TNNI3K: variants seen among roughly 807,000 people sequenced by gnomAD.
TNNI3K encodes the protein serine/threonine-protein kinase TNNI3K.
In TNNI3K, 140 loss-of-function variants were observed where a neutral mutation model predicts 114.5. That is an observed-to-expected ratio of 1.22 (90% CI 1.07 to 1.41). The LOEUF is 1.41. Among genes scored for constraint, TNNI3K ranks in the 40% most tolerant of loss-of-function variants. TNNI3K has a pLI of 0.00. For synonymous variants in TNNI3K, 347 were observed against 347.5 expected (o/e 1.00, Z 0.02); for missense variants, 1,125 against 1,007.6 (o/e 1.12, Z -1.58).
chr1:74,263,103 T>C (rs1360728735), intron 4 of TNNI3K, among the ~76,000 whole-genome samples: 1 of 152,092 alleles, frequency 6.6e-6, no homozygotes, highest in Non-Finnish European at 1.5e-5. Context: ...TGGCAAAGAC[T>C]GTGGTAACTT....
At chr1:74,526,798 A>G (rs1570743472) in intron 23 of TNNI3K, among the ~76,000 whole-genome samples, 1 of 152,200 alleles carries the variant, frequency 6.6e-6, no homozygotes, top group Non-Finnish European at 1.5e-5. Flanking sequence ...AGCAACACGT[A>G]TAGGACTTAT....
At chr1:74,429,586 A>G (rs1235632165) in intron 17 of TNNI3K, among the ~76,000 whole-genome samples, 1 of 152,110 alleles carries the variant, frequency 6.6e-6, no homozygotes, top group Non-Finnish European at 1.5e-5. Flanking sequence ...TCACCAAGGT[A>G]AGACTCCCCA....
intron 23 of TNNI3K, among the ~76,000 whole-genome samples, chr1:74,523,931 C>T (rs376942705): frequency 1.3e-5 from 2 of 152,134 alleles, no homozygotes; most frequent in African/African-American, 2.4e-5. Flanking sequence ...CCTTTCCCCC[C>T]ACCCCCGACA....
chr1:74,529,184 A>G (rs910044262), intron 23 of TNNI3K, among the ~76,000 whole-genome samples: 12 of 152,204 alleles, frequency 7.9e-5, no homozygotes, highest in African/African-American at 2.4e-4. Context: ...TTACAAAGAG[A>G]AAAAGAGTAA....
chr1:74,279,591 A>C (rs72673216), intron 5 of TNNI3K, among the ~76,000 whole-genome samples: 1 of 22,756 alleles, frequency 4.4e-5, no homozygotes, highest in South Asian at 2.4e-3. Context: ...ATAAATAGAA[A>C]CAATGAATGA....
At chr1:74,281,467 A>G (rs909285002) in intron 5 of TNNI3K, among the ~76,000 whole-genome samples, 3 of 151,980 alleles carry the variant, frequency 2.0e-5, no homozygotes, top group Non-Finnish European at 2.9e-5. Context: ...TTACTGTTAT[A>G]TAGTTGTAAA....
chr1:74,427,588 T>A (rs1012534816), intron 17 of TNNI3K, among the ~76,000 whole-genome samples: 7 of 152,066 alleles, frequency 4.6e-5, no homozygotes, highest in African/African-American at 1.7e-4. Flanking sequence ...TGTTCCAATA[T>A]CCTTCCTCCC....
intron 17 of TNNI3K, among the ~76,000 whole-genome samples, chr1:74,399,941 C>A (rs2100588340): frequency 6.6e-6 from 1 of 152,260 alleles, no homozygotes; most frequent in African/African-American, 2.4e-5. Flanking sequence ...ATGTCACAAG[C>A]AAACAAATAT....
intron 17 of TNNI3K, among the ~76,000 whole-genome samples, chr1:74,408,181 C>T (rs541016599): frequency 8.5e-5 from 13 of 152,216 alleles, no homozygotes; most frequent in African/African-American, 2.6e-4. Context: ...CTTGTTTCCA[C>T]GACAAAATAC....
chr1:74,539,120 A>G (rs1164706065), intron 23 of TNNI3K, among the ~76,000 whole-genome samples: 1 of 152,208 alleles, frequency 6.6e-6, no homozygotes, highest in Non-Finnish European at 1.5e-5. Context: ...AAAGAGGAAA[A>G]GATTCGTCTA....
chr1:74,353,270 T>G lies in TNNI3K; in HGVS notation c.937T>G (p.Cys313Gly). 1.2e-6 allele frequency: 2 copies of G among 1,613,248 alleles called. No individual in the cohort carries two copies. The highest frequency in any genetic ancestry group is 1.7e-6 in the Non-Finnish European group (2 of 1,179,726). ...TTTTATGGTTTTTTTTTTCAGTGCTTGTACCTATGGCAAGAGCATTGACCT... is the reference window on the plus strand; with the variant it reads ...TTTTATGGTTTTTTTTTTCAGTGCTGGTACCTATGGCAAGAGCATTGACCT... Reference protein sequence around the residue: ...IFSETAFHSACTYGKSIDLVK... With the variant: ...IFSETAFHSAGTYGKSIDLVK... Residue 313 changes from cysteine to glycine, a missense_variant, in exon 10 of 25, where the codon TGT becomes GGT. Coordinates refer to ENST00000326637, the MANE Select transcript of TNNI3K (RefSeq NM_015978.3).
At chr1:74,371,034 C>G (rs1052105942) in intron 17 of TNNI3K, 1 of 151,828 alleles carries the variant, frequency 6.6e-6, no homozygotes, top group Non-Finnish European at 1.5e-5. Context: ...TTTCCCACTG[C>G]TAAGGAGAGA....
intron 21 of TNNI3K, chr1:74,480,365 T>A: frequency 1.4e-6 from 1 of 717,684 alleles, no homozygotes; most frequent in South Asian, 1.5e-5. Flanking sequence ...CTTAATGTAG[T>A]TTCTTAAAAA....
intron 23 of TNNI3K, among the ~76,000 whole-genome samples, chr1:74,508,346 G>C (rs987453939): frequency 1.1e-4 from 17 of 152,144 alleles, no homozygotes; most frequent in Admixed American, 4.6e-4. Context: ...CCAGATAACA[G>C]GCTATGGTAC....
At chr1:74,284,640 C>T (rs1338121250) in intron 5 of TNNI3K, among the ~76,000 whole-genome samples, 3 of 152,300 alleles carry the variant, frequency 2.0e-5, no homozygotes, top group South Asian at 2.1e-4. Context: ...TAGCCCCTTG[C>T]TGCATCTTTC....
chr1:74,378,629 T>TATATATATATATATATAAA (rs1557531489), intron 17 of TNNI3K: 49 of 135,786 alleles, frequency 3.6e-4, no homozygotes, highest in African/African-American at 1.3e-3. Context: ...TATATATATA[T>TATATATATATATATATAAA]ATATATATAT....
chr1:74,448,844 G>A (rs1408171979), intron 20 of TNNI3K, among the ~76,000 whole-genome samples: 3 of 76,240 alleles, frequency 3.9e-5, no homozygotes, highest in African/African-American at 1.5e-4. Context: ...GCTTTTTGAT[G>A]TGCTGCTGGA....
chr1:74,534,366 T>C (rs1219402676), intron 23 of TNNI3K, among the ~76,000 whole-genome samples: 2 of 152,200 alleles, frequency 1.3e-5, no homozygotes, highest in African/African-American at 2.4e-5. Flanking sequence ...GAAGTCTTCT[T>C]TGGAATGCAA....
intron 17 of TNNI3K, among the ~76,000 whole-genome samples, chr1:74,381,678 G>A (rs943528278): frequency 2.0e-5 from 3 of 152,022 alleles, no homozygotes; most frequent in South Asian, 2.1e-4. Flanking sequence ...TTCTTGGTTC[G>A]AACTTGAATC....
Sources: gnomAD v4.1 joint callset for allele counts (sites outside exome capture counted in the v4.1 genomes callset) on GRCh38, gnomAD v4.1.1 for gene constraint, MANE v1.5 for transcripts, NCBI Gene and HGNC (gene_info 2026-07-23, HGNC 2026-07-21) for gene names.